Variants in DCTN1 observed in about 807,000 individuals in gnomAD.
The protein encoded by DCTN1 is dynactin subunit 1, also known as 150 kDa dynein-associated polypeptide.
Under a neutral mutation model 161.2 loss-of-function variants are expected in DCTN1, and 61 were observed. That is an observed-to-expected ratio of 0.38 (90% CI 0.31 to 0.47). The LOEUF is 0.47. DCTN1 is among the 20% of genes least tolerant of loss of function. DCTN1 has a pLI of 0.99. For missense variants in DCTN1, 1,404 were observed against 1,623.7 expected (o/e 0.86, Z 2.33); for synonymous variants, 653 against 632.4 (o/e 1.03, Z -0.49).
chr2:74,372,029 C>T (rs1219028647), intron 7 of DCTN1: 3 of 399,384 alleles, frequency 7.5e-6, no homozygotes, highest in Non-Finnish European at 1.4e-5. Flanking sequence ...CTCCACATTC[C>T]TCCTAGCTCT....
In DCTN1 at chr2:74,371,105, T is replaced by C. The variant is rs752870785; in HGVS notation, c.717A>G (p.Ala239=). 2 of 1,614,222 alleles carry C rather than the reference T, an allele frequency of 1.2e-6. No homozygotes were observed. The highest frequency in any genetic ancestry group is 1.7e-6 in the Non-Finnish European group (2 of 1,180,046). ...GCTCTTTTAGCTTTGCTTTGTCTTC[T>C]GCCCGTTTCAGTCTCAGGGTCTCTA... ...EKLETLRLKR[A]EDKAKLKELE... The change falls in exon 9 of 32, where the codon GCA becomes GCG. Residue 239 remains alanine (A), a synonymous_variant. Transcript: ENST00000628224.
rs930626420 is a variant in DCTN1 at position 74,380,188 on chromosome 2, G to T, written c.-151C>A. 2.5e-6 allele frequency: 2 copies of T among 812,022 alleles called. No individual in the cohort carries two copies. The highest frequency in any genetic ancestry group is 1.7e-5 in the African/African-American group (1 of 59,246). The allele number at this position is 812,022 out of a possible 1,614,324, so 50.3% of individuals were successfully genotyped here. On this transcript the variant is annotated 5_prime_UTR_variant, in exon 1 of 32. Transcript: ENST00000628224. ...CCTCCCCAGTCCATGGGCCTCACTC[G>T]GTGGCCTACACGGGTAGGGGTGGGG...
intron 2 of DCTN1, 41 bp downstream of exon 2, chr2:74,377,959 A>T (rs1388774528): frequency 1.2e-6 from 2 of 1,611,422 alleles, no homozygotes; most frequent in African/African-American, 2.7e-5. Flanking sequence ...TGCGACAGAC[A>T]TGTGCACACA....
At chr2:74,367,468 G>A in intron 18 of DCTN1, 48 bp from the exon 19 acceptor site, 2 of 1,605,608 alleles carry the variant, frequency 1.2e-6, no homozygotes, top group East Asian at 2.2e-5. Context: ...GGAGCGGGTG[G>A]GGAGTTCTTC....
upstream of DCTN1, among the ~76,000 whole-genome samples, chr2:74,384,633 G>A (rs986230008): frequency 2.0e-5 from 3 of 152,210 alleles, no homozygotes; most frequent in Non-Finnish European, 4.4e-5. Context: ...AAAGGAGAAA[G>A]TGAGGAGGAA....
At chr2:74,384,109 A>T (rs537015962), upstream of DCTN1, among the ~76,000 whole-genome samples, 27 of 152,366 alleles carry the variant, frequency 1.8e-4, no homozygotes, top group East Asian at 5.2e-3. Flanking sequence ...GAGGAGAAAC[A>T]ACATGTTAGG....
chr2:74,366,411 C>T, intron 22 of DCTN1, 36 bp from the exon 23 acceptor site: 2 of 1,614,216 alleles, frequency 1.2e-6, no homozygotes, highest in Non-Finnish European at 1.7e-6. Context: ...AAGCCCCACA[C>T]TGGTCACTAA....
chr2:74,390,843 T>C (rs1349083269), intron 1 of DCTN1: 1 of 165,580 alleles, frequency 6.0e-6, no homozygotes, highest in Non-Finnish European at 1.3e-5. Flanking sequence ...AAATCCTGAA[T>C]TTCTAATTCT....
rs777824490 is a variant in DCTN1 at position 74,367,799 on chromosome 2, G to A, written c.2081C>T (p.Ala694Val). The A allele has an allele frequency of 6.2e-7, 1 of 1,614,156 alleles. No individual in the cohort carries two copies. The highest frequency in any genetic ancestry group is 2.2e-5 in the East Asian group (1 of 44,880). ...GAGGAAATCCAAGGAGCGCTCATGG[G>A]CACTCATCTCAGGGTACAGGCTGCC... Reference protein sequence around the residue: ...KVGSLYPEMSAHERSLDFLIE... With the variant: ...KVGSLYPEMSVHERSLDFLIE... Residue 694 changes from alanine to valine, a missense_variant, in exon 18 of 32, where the codon GCC (alanine) becomes GTC (valine). Coordinates refer to ENST00000628224, the MANE Select transcript of DCTN1 (RefSeq NM_004082.5).
intron 15 of DCTN1, 94 bp from the exon 16 acceptor site, chr2:74,368,974 C>A: frequency 6.4e-7 from 1 of 1,573,900 alleles, no homozygotes; most frequent in Non-Finnish European, 8.7e-7. Flanking sequence ...GCTTCTAGGG[C>A]AAGCCCAGGC....
At chr2:74,382,394 G>GTTCAAGA (rs1245995960), upstream of DCTN1, among the ~76,000 whole-genome samples, 3 of 151,986 alleles carry the variant, frequency 2.0e-5, no homozygotes, top group East Asian at 5.9e-4. Context: ...GAGACCAGGA[G>GTTCAAGA]TTCAAGACCA....
rs760243995 is a variant in DCTN1, at chr2:74,369,503, C to A, written c.1393-12G>T. ...TCATTCATCGCTTCCTAGGACACCA[C>A]ACCATAGTTTGGGCTAAAGAAAGGC... On this transcript the variant is annotated splice_polypyrimidine_tract_variant and intron_variant, in intron 13 of 31. Transcript: ENST00000628224. This position sits in a 1 kb window ranked among gnomAD's most constrained non-coding sequence, Gnocchi z 4.9. 48 of 1,610,962 alleles carry A rather than the reference C, an allele frequency of 3.0e-5. No homozygotes were observed. The highest frequency in any genetic ancestry group is 3.6e-5 in the Non-Finnish European group (43 of 1,179,982).
At chr2:74,375,404 G>A (rs1214159501) in intron 5 of DCTN1, among the ~76,000 whole-genome samples, 5 of 152,356 alleles carry the variant, frequency 3.3e-5, no homozygotes, top group Non-Finnish European at 5.9e-5. Context: ...AACTACTGGA[G>A]AGGAAGACTG....
At chr2:74,378,337 C>G in intron 1 of DCTN1, 92 bp from the exon 2 acceptor site, 1 of 1,513,212 alleles carries the variant, frequency 6.6e-7, no homozygotes, top group Non-Finnish European at 9.0e-7. Context: ...AGATGCTGGA[C>G]TGAAAAACAA....
intron 20 of DCTN1, 46 bp downstream of exon 20, chr2:74,366,999 G>T (rs776915435): frequency 6.2e-7 from 1 of 1,614,136 alleles, no homozygotes; most frequent in South Asian, 1.1e-5. Flanking sequence ...AGGAAGTGAG[G>T]ACTAAGAAAG....
intron 26 of DCTN1, chr2:74,364,844 C>G: frequency 1.7e-6 from 1 of 590,404 alleles, no homozygotes; most frequent in African/African-American, 1.9e-5. Flanking sequence ...CATCATTATT[C>G]TGAGCCTCAT....
At chr2:74,382,681 T>C (rs1675563422), upstream of DCTN1, among the ~76,000 whole-genome samples, 1 of 150,902 alleles carries the variant, frequency 6.6e-6, no homozygotes, top group East Asian at 2.0e-4. Context: ...AAATGGTATA[T>C]ACATCTACAC....
chr2:74,379,015 A>AC (rs1289863601), intron 1 of DCTN1: 1 of 153,202 alleles, frequency 6.5e-6, no homozygotes, highest in East Asian at 1.9e-4. Flanking sequence ...GGGTGGATCT[A>AC]CCCCTCGCTC....
intron 31 of DCTN1, 93 bp from the exon 32 acceptor site, chr2:74,361,729 G>A: frequency 6.6e-7 from 1 of 1,524,736 alleles, no homozygotes; most frequent in Non-Finnish European, 9.1e-7. Context: ...GACCAAGGCA[G>A]CTCCTGGGTG....
Sources: gnomAD v4.1 joint callset for allele counts (sites outside exome capture counted in the v4.1 genomes callset) on GRCh38, gnomAD v4.1.1 for gene constraint, Gnocchi (gnomAD v3.1) non-coding constraint, MANE v1.5 for transcripts, NCBI Gene and HGNC (gene_info 2026-07-23, HGNC 2026-07-21) for gene names.